Variants in TGFBR1 observed in about 807,000 individuals in gnomAD.
The protein encoded by TGFBR1 is TGF-beta receptor type-1.
In TGFBR1, 20 loss-of-function variants were observed where a neutral mutation model predicts 55.1. The ratio of observed to expected loss-of-function variants is 0.36; its 90% CI spans 0.26 to 0.53. The LOEUF is 0.53. Ranked by LOEUF, TGFBR1 falls within the 20% of genes least tolerant of loss-of-function variation. The pLI is 0.91. For missense variants in TGFBR1, 385 were observed against 617.6 expected, an observed-to-expected ratio of 0.62 and a Z score of 3.99; for synonymous variants, 220 against 214.8, an observed-to-expected ratio of 1.02 and a Z score of -0.21.
At position 99,154,026 on chromosome 9, in the gene TGFBR1, G is replaced by A. The variant is rs991099093; in HGVS notation, c.*4721G>A. The A allele has an allele frequency of 1.4e-5, 3 of 221,838 alleles. No individual in the cohort carries two copies. Among genetic ancestry groups the A allele is most frequent in the Non-Finnish European group, 2.7e-5 (3 of 110,844 alleles). The allele number at this position is 221,838 out of a possible 1,614,324, so 13.7% of individuals were successfully genotyped here. On this transcript the variant is annotated 3_prime_UTR_variant, in exon 9 of 9. Transcript: ENST00000374994. ...GTCCCCAAACCCTTGATTGACTCTG[G>A]GGAGGGGCTTTGTGAATAGGATTGC...
Position 99,124,489 on chromosome 9 carries a change from C to T in TGFBR1, c.98-4366C>T, listed in dbSNP as rs181859922. ...AGATTGAAATTTTGCCATGTATATG[C>T]GTTTAAAAATTTAAAACCTAGTTGA... On this transcript the variant is annotated intron_variant, in intron 1 of 8. Transcript: ENST00000374994. Among the ~76,000 whole-genome samples the T allele has an allele frequency of 1.8e-4, 28 of 151,728 alleles. No homozygotes were observed. In the East Asian group the frequency reaches 4.4e-3, roughly 24 times the overall value.
Position 99,151,261 on chromosome 9 carries a change from T to C in TGFBR1, c.*1956T>C. ...TTTTGACTACAAAGTTGAGTTTTTT[T>C]CTGTAGTTACCATAATTTCATTGAA... On this transcript the variant is annotated 3_prime_UTR_variant, in exon 9 of 9. Coordinates refer to ENST00000374994, the MANE Select transcript of TGFBR1 (RefSeq NM_004612.4). 1 of 232,046 alleles carries C rather than the reference T, an allele frequency of 4.3e-6. No individual in the cohort carries two copies. The highest frequency in any genetic ancestry group is 6.1e-5 in the East Asian group (1 of 16,408). The allele number at this position is 232,046 out of a possible 1,614,324, so 14.4% of individuals were successfully genotyped here. A position where few individuals can be genotyped will look rare whatever the true frequency, so the allele number is the denominator to read the frequency against.
At chr9:99,142,463 A>G in intron 4 of TGFBR1, 73 bp from the exon 5 acceptor site, 1 of 1,559,244 alleles carries the variant, frequency 6.4e-7, no homozygotes, top group East Asian at 2.2e-5. Context: ...TTGAGAGTAA[A>G]AAGTAATAAC....
chr9:99,105,843 A>G lies in TGFBR1; in HGVS notation c.97+541A>G, dbSNP rs146935075. Among the ~76,000 whole-genome samples, 10 of 152,250 alleles carry G rather than the reference A, an allele frequency of 6.6e-5. No individual in the cohort carries two copies. The East Asian group carries it at 1.9e-3, about 30-fold the overall frequency. ...GCTCCGAGCCTCTAGGGCTTCGTCC[A>G]GTGGGAGTCGGGGGCGACGTGTGGT... On this transcript the variant is annotated intron_variant, in intron 1 of 8. Transcript: ENST00000374994.
Position 99,112,457 on chromosome 9 carries a change from A to T in TGFBR1, c.97+7155A>T, listed in dbSNP as rs1316606433. Among the ~76,000 whole-genome samples the T allele has an allele frequency of 3.9e-5, 6 of 152,258 alleles. No homozygotes were observed. The East Asian group carries it at 1.2e-3, about 29-fold the overall frequency. ...TCCTTCTCTGTAACAATACCTTCTA[A>T]CATACTGTATTTATTTACTTATCAT... On this transcript the variant is annotated intron_variant, in intron 1 of 8. Transcript: ENST00000374994.
intron 3 of TGFBR1, among the ~76,000 whole-genome samples, chr9:99,136,219 G>A (rs575998167): frequency 8.8e-4 from 134 of 152,230 alleles, no homozygotes; most frequent in African/African-American, 3.1e-3. Flanking sequence ...ATAATACAGT[G>A]GATCAAGATT....
chr9:99,140,633 ACTT>A lies in TGFBR1; in HGVS notation c.806-1898_806-1896del, dbSNP rs1677727445. On this transcript the variant is annotated intron_variant, in intron 4 of 8. Coordinates refer to ENST00000374994, the MANE Select transcript of TGFBR1 (RefSeq NM_004612.4). ...CCCTAGACTTTCCTTGTTCCTTCTT[ACTT>A]CTTCATAGTTGTCTTTGTTTTCTCA... Among the ~76,000 whole-genome samples the A allele has an allele frequency of 2.6e-5, 4 of 151,934 alleles. No individual in the cohort carries two copies. In the South Asian group the frequency reaches 8.3e-4, roughly 32 times the overall value.
At chr9:99,119,183 G>A (rs763449411) in intron 1 of TGFBR1, among the ~76,000 whole-genome samples, 15 of 152,170 alleles carry the variant, frequency 9.9e-5, no homozygotes, top group Admixed American at 2.0e-4. Flanking sequence ...GGCTCCAACA[G>A]ATCTTTCGCT....
chr9:99,107,874 T>G (rs1023043440), intron 1 of TGFBR1, among the ~76,000 whole-genome samples: 8 of 152,244 alleles, frequency 5.3e-5, no homozygotes, highest in Non-Finnish European at 7.3e-5. Context: ...CCCCTTTTTT[T>G]GGGAGTGCGA....
At chr9:99,118,376 CTCTT>C (rs1020196203) in intron 1 of TGFBR1, among the ~76,000 whole-genome samples, 6 of 152,140 alleles carry the variant, frequency 3.9e-5, no homozygotes, top group Non-Finnish European at 8.8e-5. Flanking sequence ...TGATGGATAT[CTCTT>C]TCTTATTTGT....
In TGFBR1 at chr9:99,105,174, C is replaced by G; in HGVS notation, c.-32C>G. The G allele has an allele frequency of 9.2e-7, 1 of 1,086,462 alleles. No individual in the cohort carries two copies. Among genetic ancestry groups the G allele is most frequent in the Non-Finnish European group, 1.1e-6 (1 of 895,388 alleles). The allele number at this position is 1,086,462 out of a possible 1,614,324, so 67.3% of individuals were successfully genotyped here. On this transcript the variant is annotated 5_prime_UTR_variant, in exon 1 of 9. Coordinates refer to ENST00000374994, the MANE Select transcript of TGFBR1 (RefSeq NM_004612.4). ...GGGTGAGGCAGCGGCGCGGCCGGGC[C>G]GGGCCGGGCCACAGGCGGTGGCGGC...
At chr9:99,129,154 C>T in intron 2 of TGFBR1, 54 bp downstream of exon 2, 1 of 1,587,506 alleles carries the variant, frequency 6.3e-7, no homozygotes, top group Non-Finnish European at 8.6e-7. Context: ...TCTTCATACT[C>T]TGTGATTTTA....
intron 1 of TGFBR1, 112 bp downstream of exon 1, chr9:99,105,414 G>A (rs1826380054): frequency 2.2e-6 from 2 of 904,864 alleles, no homozygotes; most frequent in Non-Finnish European, 2.6e-6. Context: ...CGCAGGTGGC[G>A]GCGCCGGGGC....
At chr9:99,143,558 C>T (rs1380692744) in intron 5 of TGFBR1, among the ~76,000 whole-genome samples, 3 of 152,162 alleles carry the variant, frequency 2.0e-5, no homozygotes, top group Non-Finnish European at 4.4e-5. Context: ...CCCAATGGCT[C>T]CCCCACTCCC....
intron 1 of TGFBR1, among the ~76,000 whole-genome samples, chr9:99,106,977 C>T (rs1403236769): frequency 6.6e-6 from 1 of 152,190 alleles, no homozygotes; most frequent in African/African-American, 2.4e-5. Context: ...GCATGAAACA[C>T]AGGTAACATT....
At chr9:99,140,082 A>T (rs1387734173) in intron 4 of TGFBR1, among the ~76,000 whole-genome samples, 1 of 152,224 alleles carries the variant, frequency 6.6e-6, no homozygotes, top group Admixed American at 6.5e-5. Flanking sequence ...TTTGATTAAG[A>T]CGGGGCAGTG....
chr9:99,116,390 C>A (rs2118370642), intron 1 of TGFBR1, among the ~76,000 whole-genome samples: 1 of 152,254 alleles, frequency 6.6e-6, no homozygotes, highest in East Asian at 1.9e-4. Flanking sequence ...GATGGTGTGT[C>A]CCTGAGGAAA....
rs1225712720 is a variant in TGFBR1, at chr9:99,144,850, C to G, written c.1092C>G (p.Thr364=). The change falls in exon 6 of 9, where the codon ACC becomes ACG. Residue 364 remains threonine, a synonymous_variant. Transcript: ENST00000374994. ...LAVRHDSATD[T]IDIAPNHRVG... ...TAAGACATGATTCAGCCACAGATAC[C>G]ATTGATATTGCTCCAAACCACAGAG... 6.2e-7 allele frequency: 1 copy of G among 1,613,846 alleles called. No individual in the cohort carries two copies. Among genetic ancestry groups the G allele is most frequent in the Non-Finnish European group, 8.5e-7 (1 of 1,179,930 alleles).
chr9:99,110,895 C>T (rs1826546744), intron 1 of TGFBR1, among the ~76,000 whole-genome samples: 2 of 152,216 alleles, frequency 1.3e-5, no homozygotes, highest in Admixed American at 1.3e-4. Flanking sequence ...TATACAAATG[C>T]TCCTCTACTT....
Sources: allele counts gnomAD v4.1 joint callset (sites outside exome capture counted in the v4.1 genomes callset), GRCh38; gene constraint gnomAD v4.1.1; transcripts MANE v1.5; gene names NCBI Gene and HGNC (gene_info 2026-07-23, HGNC 2026-07-21).